Variants in GALNT13 observed in about 807,000 individuals in gnomAD.
The protein encoded by GALNT13 is polypeptide N-acetylgalactosaminyltransferase 13, also known as UDP-GalNAc:polypeptide N-acetylgalactosaminyltransferase 13.
In GALNT13, 28 loss-of-function variants were observed where a neutral mutation model predicts 64.2. The ratio of observed to expected loss-of-function variants is 0.44; its 90% CI spans 0.32 to 0.60. The LOEUF is 0.60. GALNT13 is among the 20% of genes least tolerant of loss of function. The probability of loss-of-function intolerance (pLI) is 0.05; values close to 1 mark genes in which losing one functional copy is unlikely to be tolerated. For missense variants in GALNT13, 577 were observed against 669.8 expected, an observed-to-expected ratio of 0.86 and a Z score of 1.53; for synonymous variants, 214 against 224.6, an observed-to-expected ratio of 0.95 and a Z score of 0.42.
chr2:153,476,700 A>G, the GALNT13 span, among the ~76,000 whole-genome samples: 4 of 152,220 alleles, frequency 2.6e-5, no homozygotes, highest in African/African-American at 4.8e-5. Flanking sequence ...TAAATTACAA[A>G]GAACAGGCTG....
chr2:153,740,615 C>T, the GALNT13 span, among the ~76,000 whole-genome samples: 17 of 152,074 alleles, frequency 1.1e-4, no homozygotes, highest in South Asian at 2.1e-4. Flanking sequence ...TTGTATCCTG[C>T]GCCTTATGAA....
the GALNT13 span, among the ~76,000 whole-genome samples, chr2:153,432,159 C>G: frequency 6.6e-6 from 1 of 152,048 alleles, no homozygotes; most frequent in Non-Finnish European, 1.5e-5. Context: ...AATCAACAAC[C>G]TTGCTTCCTA....
the GALNT13 span, among the ~76,000 whole-genome samples, chr2:153,429,933 A>G: frequency 1.3e-5 from 2 of 152,152 alleles, no homozygotes; most frequent in African/African-American, 4.8e-5. Context: ...TGTAAATTGT[A>G]TCCTCACCAG....
the GALNT13 span, among the ~76,000 whole-genome samples, chr2:153,088,698 T>TTTA: frequency 6.6e-6 from 1 of 152,222 alleles, no homozygotes; most frequent in Middle Eastern, 3.4e-3. Flanking sequence ...AACTAATCCT[T>TTTA]TTATTATTAT....
At chr2:154,413,461 T>G (rs1699878508) in intron 11 of GALNT13, among the ~76,000 whole-genome samples, 1 of 151,916 alleles carries the variant, frequency 6.6e-6, no homozygotes, top group Non-Finnish European at 1.5e-5. Context: ...GTTTAACATC[T>G]CATTAAATAT....
At chr2:154,207,845 T>G (rs1240802731) in intron 4 of GALNT13, among the ~76,000 whole-genome samples, 1 of 152,162 alleles carries the variant, frequency 6.6e-6, no homozygotes, top group Non-Finnish European at 1.5e-5. Context: ...GAGTCATTTT[T>G]CATATATTCA....
chr2:153,877,410 G>A (rs576263137), intron 1 of GALNT13, among the ~76,000 whole-genome samples: 1 of 152,224 alleles, frequency 6.6e-6, no homozygotes, highest in South Asian at 2.1e-4. Context: ...AATGCATGTG[G>A]TGAGTAGCCA....
chr2:154,079,118 C>T (rs1211022485), intron 3 of GALNT13, among the ~76,000 whole-genome samples: 2 of 151,576 alleles, frequency 1.3e-5, no homozygotes, highest in South Asian at 2.1e-4. Context: ...GTTGGCAGCT[C>T]TACTGGTATA....
intron 8 of GALNT13, among the ~76,000 whole-genome samples, chr2:154,268,694 A>G (rs529608941): frequency 3.3e-5 from 5 of 152,102 alleles, no homozygotes; most frequent in Non-Finnish European, 7.4e-5. Context: ...AATGTAGTTC[A>G]AAGTATCTAC....
At chr2:154,158,493 T>G (rs1207211878) in intron 4 of GALNT13, among the ~76,000 whole-genome samples, 1 of 152,138 alleles carries the variant, frequency 6.6e-6, no homozygotes, top group Non-Finnish European at 1.5e-5. Flanking sequence ...TTGTTTTTAT[T>G]TGTTGTTGTT....
chr2:153,751,625 G>A, the GALNT13 span, among the ~76,000 whole-genome samples: 1 of 151,756 alleles, frequency 6.6e-6, no homozygotes, highest in African/African-American at 2.4e-5. Context: ...AATCTACTAT[G>A]TCTGACATAA....
At chr2:154,260,019 A>G (rs1281660655) in intron 8 of GALNT13, among the ~76,000 whole-genome samples, 1 of 151,962 alleles carries the variant, frequency 6.6e-6, no homozygotes, top group Non-Finnish European at 1.5e-5. Flanking sequence ...TGTGGCTGGG[A>G]CTAGAGGTGT....
At chr2:153,691,567 C>T in the GALNT13 span, among the ~76,000 whole-genome samples, 1 of 151,706 alleles carries the variant, frequency 6.6e-6, no homozygotes, top group African/African-American at 2.4e-5. Context: ...AAAAAGATAA[C>T]CATTAGTGAA....
At chr2:154,296,037 C>T (rs540987701) in intron 8 of GALNT13, among the ~76,000 whole-genome samples, 1 of 152,250 alleles carries the variant, frequency 6.6e-6, no homozygotes, top group East Asian at 1.9e-4. Flanking sequence ...AGATCTTAGT[C>T]TCTATTTCAC....
chr2:154,204,161 A>G (rs1200659843), intron 4 of GALNT13, among the ~76,000 whole-genome samples: 1 of 152,128 alleles, frequency 6.6e-6, no homozygotes, highest in African/African-American at 2.4e-5. Context: ...CTGCCTCCTC[A>G]TTAATAAAGT....
chr2:154,222,080 T>C, intron 4 of GALNT13, among the ~76,000 whole-genome samples: 1 of 146,392 alleles, frequency 6.8e-6, no homozygotes, highest in South Asian at 2.1e-4. Context: ...TTAAAAAATA[T>C]TTTTTTCTCA....
intron 10 of GALNT13, 98 bp downstream of exon 10, chr2:154,396,228 G>T: frequency 1.4e-6 from 1 of 708,678 alleles, no homozygotes; most frequent in South Asian, 3.2e-5. Flanking sequence ...AATGCTGTAA[G>T]GGATTTTTAA....
intron 3 of GALNT13, among the ~76,000 whole-genome samples, chr2:153,956,148 G>A (rs1692553211): frequency 1.3e-5 from 2 of 152,304 alleles, no homozygotes; most frequent in East Asian, 3.9e-4. Context: ...ACTAAGTTAT[G>A]TTGGGAGAAA....
the GALNT13 span, among the ~76,000 whole-genome samples, chr2:153,147,856 A>T: frequency 6.6e-6 from 1 of 151,746 alleles, no homozygotes; most frequent in Admixed American, 6.6e-5. Flanking sequence ...CTAGTTGAGG[A>T]TATAAAAGGG....
Sources: allele counts gnomAD v4.1 joint callset (sites outside exome capture counted in the v4.1 genomes callset), GRCh38; gene constraint gnomAD v4.1.1; transcripts MANE v1.5; gene names NCBI Gene and HGNC (gene_info 2026-07-23, HGNC 2026-07-21).